EXOC6B: variants seen among roughly 807,000 people sequenced by gnomAD.
EXOC6B encodes exocyst complex component 6B, also known as SEC15 homolog B.
In EXOC6B, 54 loss-of-function variants were observed where a neutral mutation model predicts 113.5. That is an observed-to-expected ratio of 0.48 (90% CI 0.38 to 0.60). EXOC6B has a LOEUF of 0.60. Ranked by LOEUF, EXOC6B falls within the 20% of genes least tolerant of loss-of-function variation. The probability of loss-of-function intolerance (pLI) is 0.00; values close to 1 mark genes in which losing one functional copy is unlikely to be tolerated. For synonymous variants in EXOC6B, 357 were observed against 339.0 expected (o/e 1.05, Z -0.58); for missense variants, 797 against 977.5 (o/e 0.82, Z 2.46).
chr2:72,684,611 T>C (rs1676950648), intron 6 of EXOC6B, among the ~76,000 whole-genome samples: 1 of 152,204 alleles, frequency 6.6e-6, no homozygotes, highest in South Asian at 2.1e-4. Flanking sequence ...GTTAAATTCA[T>C]ATAAGAGAAT....
chr2:72,566,396 T>C (rs1704181107), intron 7 of EXOC6B, among the ~76,000 whole-genome samples: 1 of 152,162 alleles, frequency 6.6e-6, no homozygotes. Flanking sequence ...ACTTCAATTA[T>C]GGATATACCA....
intron 1 of EXOC6B, among the ~76,000 whole-genome samples, chr2:72,772,291 C>G (rs1437827432): frequency 2.0e-5 from 3 of 151,998 alleles, no homozygotes; most frequent in African/African-American, 7.2e-5. Flanking sequence ...ACAAGGACAG[C>G]CAGTGACCTA....
At chr2:72,758,875 G>A (rs2104889541) in intron 1 of EXOC6B, among the ~76,000 whole-genome samples, 1 of 152,326 alleles carries the variant, frequency 6.6e-6, no homozygotes, top group East Asian at 1.9e-4. Context: ...AAGGACCAGT[G>A]AGAACAAGTC....
intron 1 of EXOC6B, among the ~76,000 whole-genome samples, chr2:72,777,496 A>C (rs923016896): frequency 2.0e-5 from 3 of 152,122 alleles, no homozygotes; most frequent in African/African-American, 7.2e-5. Flanking sequence ...ATGAAAAAGA[A>C]ATTAAGATAT....
At chr2:72,258,459 G>C in intron 20 of EXOC6B, among the ~76,000 whole-genome samples, 1 of 150,620 alleles carries the variant, frequency 6.6e-6, no homozygotes, top group Non-Finnish European at 1.5e-5. Flanking sequence ...GACCTTGGGG[G>C]CTCAAGCAGT....
At chr2:72,204,526 A>G (rs1390023527) in intron 20 of EXOC6B, among the ~76,000 whole-genome samples, 1 of 150,014 alleles carries the variant, frequency 6.7e-6, no homozygotes, top group Non-Finnish European at 1.5e-5. Flanking sequence ...CTTTGTTTAC[A>G]CATTAAAGGG....
At chr2:72,214,078 G>C (rs1680352412) in intron 20 of EXOC6B, among the ~76,000 whole-genome samples, 1 of 152,124 alleles carries the variant, frequency 6.6e-6, no homozygotes, top group Non-Finnish European at 1.5e-5. Flanking sequence ...GCCCATTCCT[G>C]CTGTGGAAAA....
intron 18 of EXOC6B, among the ~76,000 whole-genome samples, chr2:72,434,099 T>C (rs767854896): frequency 6.6e-6 from 1 of 152,134 alleles, no homozygotes; most frequent in Non-Finnish European, 1.5e-5. Context: ...GCTTATTGAG[T>C]GTTTTTAGCA....
intron 18 of EXOC6B, among the ~76,000 whole-genome samples, chr2:72,399,089 C>G (rs1483872236): frequency 4.0e-5 from 6 of 151,062 alleles, no homozygotes; most frequent in Non-Finnish European, 8.8e-5. Context: ...GATCCAGCAA[C>G]ACATCAAAAA....
chr2:72,384,322 A>C (rs1331352164), intron 18 of EXOC6B, among the ~76,000 whole-genome samples: 1 of 152,102 alleles, frequency 6.6e-6, no homozygotes, highest in Non-Finnish European at 1.5e-5. Context: ...TCCTTTCATG[A>C]TTAAAAAAAA....
intron 20 of EXOC6B, among the ~76,000 whole-genome samples, chr2:72,261,192 C>T (rs1188813198): frequency 6.6e-6 from 1 of 152,000 alleles, no homozygotes; most frequent in Non-Finnish European, 1.5e-5. Flanking sequence ...ATACAAAAAT[C>T]ACTAAGAAGA....
At chr2:72,390,629 T>G (rs1692319521) in intron 18 of EXOC6B, among the ~76,000 whole-genome samples, 1 of 152,202 alleles carries the variant, frequency 6.6e-6, no homozygotes, top group Non-Finnish European at 1.5e-5. Context: ...TATGCAGAGA[T>G]CAGAATTATC....
intron 18 of EXOC6B, among the ~76,000 whole-genome samples, chr2:72,427,130 A>G (rs761364143): frequency 4.6e-5 from 7 of 152,208 alleles, no homozygotes; most frequent in Non-Finnish European, 1.0e-4. Flanking sequence ...GCCAGGGACA[A>G]GTGGGAGCCC....
rs370352439 is a variant in EXOC6B, at chr2:72,791,834, C to T, written c.113+33964G>A. Among the ~76,000 whole-genome samples, 39 of 152,228 alleles carry T rather than the reference C, an allele frequency of 2.6e-4. 2 individuals are homozygous for T. Among genetic ancestry groups the T allele is most frequent in the African/African-American group, 5.5e-4 (23 of 41,544 alleles). On this transcript the variant is annotated intron_variant, in intron 1 of 21. Coordinates refer to ENST00000272427, the MANE Select transcript of EXOC6B (RefSeq NM_015189.3). Reference sequence around the variant, plus strand: ...TCACCACAATAAACATCAAAGGCAGCGAACATATAATGAATCAACATGAAA... The same window carrying T: ...TCACCACAATAAACATCAAAGGCAGTGAACATATAATGAATCAACATGAAA...
At chr2:72,633,651 A>G (rs2104292679) in intron 6 of EXOC6B, among the ~76,000 whole-genome samples, 1 of 152,338 alleles carries the variant, frequency 6.6e-6, no homozygotes, top group Non-Finnish European at 1.5e-5. Context: ...ATTAGCAAAC[A>G]TAGGCACATA....
At chr2:72,406,708 G>A (rs554832919) in intron 18 of EXOC6B, among the ~76,000 whole-genome samples, 20 of 152,326 alleles carry the variant, frequency 1.3e-4, no homozygotes, top group African/African-American at 4.8e-4. Flanking sequence ...AAAGAAGTGT[G>A]TAGAGGGAAA....
At chr2:72,323,344 G>A (rs935021345) in intron 20 of EXOC6B, among the ~76,000 whole-genome samples, 3 of 152,188 alleles carry the variant, frequency 2.0e-5, no homozygotes, top group Admixed American at 1.3e-4. Context: ...AACAGATGCT[G>A]GAGAGGATGT....
At chr2:72,643,096 T>TA (rs1673390368) in intron 6 of EXOC6B, among the ~76,000 whole-genome samples, 1 of 151,888 alleles carries the variant, frequency 6.6e-6, no homozygotes, top group South Asian at 2.1e-4. Flanking sequence ...TGGCAATCAT[T>TA]AAAAAATCAG....
intron 6 of EXOC6B, among the ~76,000 whole-genome samples, chr2:72,614,268 G>A (rs1671252609): frequency 1.3e-5 from 2 of 152,150 alleles, no homozygotes; most frequent in Non-Finnish European, 2.9e-5. Flanking sequence ...AAAAAATGAA[G>A]TAGAGAATAT....
Sources: gnomAD v4.1 joint callset for allele counts (sites outside exome capture counted in the v4.1 genomes callset) on GRCh38, gnomAD v4.1.1 for gene constraint, MANE v1.5 for transcripts, NCBI Gene and HGNC (gene_info 2026-07-23, HGNC 2026-07-21) for gene names.